The following ADAMTSL1 variants were observed in gnomAD, a reference collection of about 807,000 sequenced individuals.
ADAMTSL1 encodes ADAMTS like 1, also known as ADAMTS-like protein 1.
A neutral mutation model predicts 201.8 loss-of-function variants in ADAMTSL1; 126 were observed. The ratio of observed to expected loss-of-function variants is 0.62; its 90% CI spans 0.54 to 0.72. The LOEUF is 0.72. ADAMTSL1 is among the 30% of genes least tolerant of loss of function. The probability of loss-of-function intolerance (pLI) is 0.00; values close to 1 mark genes in which losing one functional copy is unlikely to be tolerated. For synonymous variants in ADAMTSL1, 1,121 were observed against 903.4 expected, an observed-to-expected ratio of 1.24 and a Z score of -4.32; for missense variants, 2,679 against 2,277.8, an observed-to-expected ratio of 1.18 and a Z score of -3.59.
chr9:18,801,079 C>T (rs1245162154), intron 20 of ADAMTSL1, among the ~76,000 whole-genome samples: 1 of 152,036 alleles, frequency 6.6e-6, no homozygotes, highest in Non-Finnish European at 1.5e-5. Flanking sequence ...CAGTCTAAGC[C>T]CTACCTACTT....
chr9:18,210,341 C>T (rs1829815662), intron 2 of ADAMTSL1, among the ~76,000 whole-genome samples: 1 of 148,798 alleles, frequency 6.7e-6, no homozygotes, highest in Non-Finnish European at 1.5e-5. Flanking sequence ...CAACTTTTAA[C>T]ATATTACAAC....
intron 2 of ADAMTSL1, among the ~76,000 whole-genome samples, chr9:18,426,193 A>G (rs1271670367): frequency 2.0e-5 from 3 of 152,110 alleles, no homozygotes; most frequent in Admixed American, 6.6e-5. Context: ...AATCCCAGGG[A>G]TAGGAGGGAG....
At chr9:18,649,852 T>A (rs528799071) in intron 7 of ADAMTSL1, among the ~76,000 whole-genome samples, 2 of 152,310 alleles carry the variant, frequency 1.3e-5, no homozygotes, top group East Asian at 3.9e-4. Context: ...AGGGACCTAC[T>A]TGAGGAGGCA....
Position 18,892,575 on chromosome 9 carries a change from G to C in ADAMTSL1, c.4830G>C (p.Trp1610Cys). ...GTAACCAGCAGCTGTGTGTGGAGTG[G>C]GCCTTCTCCAGCTGGGGCCAGGTGA... Reference protein sequence around the residue: ...QACNQQLCVEWAFSSWGQCNG... With the variant: ...QACNQQLCVECAFSSWGQCNG... Residue 1610 changes from tryptophan (W) to cysteine (C), a missense_variant, in exon 26 of 29, where the codon TGG becomes TGC. Transcript: ENST00000380548. 1.9e-6 allele frequency: 3 copies of C among 1,567,018 alleles called. No homozygotes were observed. Among genetic ancestry groups the C allele is most frequent in the Non-Finnish European group, 1.7e-6 (2 of 1,155,588 alleles).
intron 1 of ADAMTSL1, among the ~76,000 whole-genome samples, chr9:18,151,562 A>T (rs1826914467): frequency 6.6e-6 from 1 of 151,886 alleles, no homozygotes; most frequent in African/African-American, 2.4e-5. Flanking sequence ...GATGAACTAT[A>T]TGTGCCAAAT....
At chr9:18,327,602 C>T (rs745339189) in intron 2 of ADAMTSL1, among the ~76,000 whole-genome samples, 9 of 152,146 alleles carry the variant, frequency 5.9e-5, no homozygotes, top group South Asian at 2.1e-4. Flanking sequence ...AGCCACAGAG[C>T]GAGGCAGAGA....
chr9:18,182,767 C>T (rs949375931), intron 2 of ADAMTSL1, among the ~76,000 whole-genome samples: 4 of 152,110 alleles, frequency 2.6e-5, no homozygotes, highest in Non-Finnish European at 5.9e-5. Context: ...AGTGATTAAC[C>T]ACCTTATCAA....
chr9:18,502,036 A>G (rs780133834), intron 1 of ADAMTSL1, among the ~76,000 whole-genome samples: 59 of 152,356 alleles, frequency 3.9e-4, no homozygotes, highest in Middle Eastern at 3.4e-3. Context: ...AAACAAAATC[A>G]CAACCATACA....
At chr9:17,935,657 C>T (rs963612987) in intron 1 of ADAMTSL1, among the ~76,000 whole-genome samples, 2 of 152,158 alleles carry the variant, frequency 1.3e-5, no homozygotes, top group African/African-American at 4.8e-5. Context: ...TTGTTCTTGA[C>T]TCCTCTATTT....
At chr9:18,484,890 A>G (rs1341755651) in intron 1 of ADAMTSL1, among the ~76,000 whole-genome samples, 1 of 152,210 alleles carries the variant, frequency 6.6e-6, no homozygotes, top group Non-Finnish European at 1.5e-5. Flanking sequence ...GCAGGTAGGT[A>G]GGAGTTACGG....
At chr9:18,300,514 G>A (rs1450166065) in intron 2 of ADAMTSL1, among the ~76,000 whole-genome samples, 3 of 152,168 alleles carry the variant, frequency 2.0e-5, no homozygotes, top group Non-Finnish European at 4.4e-5. Flanking sequence ...TAATGTAAAT[G>A]ATGAGTTGAT....
At position 18,108,989 on chromosome 9, in the gene ADAMTSL1, A is replaced by G. The variant is rs184205179; in HGVS notation, c.88-54873A>G. ...TATTAAAAGTTTGGGGCTGTAACGAATTGATAAGCATTACTCAGTGCTATA... is the reference window on the plus strand; with the variant it reads ...TATTAAAAGTTTGGGGCTGTAACGAGTTGATAAGCATTACTCAGTGCTATA... On this transcript the variant is annotated intron_variant, in intron 1 of 29. Transcript: ENST00000680146. Among the ~76,000 whole-genome samples the G allele has an allele frequency of 2.6e-5, 4 of 152,258 alleles. No homozygotes were observed. In the East Asian group the frequency reaches 5.8e-4, roughly 22 times the overall value.
chr9:18,655,373 T>C (rs1180961350), intron 7 of ADAMTSL1, among the ~76,000 whole-genome samples: 1 of 152,204 alleles, frequency 6.6e-6, no homozygotes, highest in African/African-American at 2.4e-5. Context: ...TTAGAAACAC[T>C]GAAACATTGT....
chr9:18,829,832 C>T lies in ADAMTSL1; in HGVS notation c.4115-11C>T. 1 of 1,613,858 alleles carries T rather than the reference C, an allele frequency of 6.2e-7. No individual in the cohort carries two copies. Among genetic ancestry groups the T allele is most frequent in the South Asian group, 1.1e-5 (1 of 91,052 alleles). ...TTTAACCTGCCTGATCCACCCTCTGCCTTCTCACAGATCCCCCCCAAGTCC... is the reference window on the plus strand; with the variant it reads ...TTTAACCTGCCTGATCCACCCTCTGTCTTCTCACAGATCCCCCCCAAGTCC... On this transcript the variant is annotated splice_polypyrimidine_tract_variant and intron_variant, in intron 22 of 28. Transcript: ENST00000380548.
At chr9:18,682,225 T>C (rs1315443822) in intron 12 of ADAMTSL1, among the ~76,000 whole-genome samples, 1 of 152,210 alleles carries the variant, frequency 6.6e-6, no homozygotes, top group Non-Finnish European at 1.5e-5. Flanking sequence ...TGCTGAAGAA[T>C]ACGGATGTAC....
intron 20 of ADAMTSL1, among the ~76,000 whole-genome samples, chr9:18,811,608 T>G (rs1823513462): frequency 6.6e-6 from 1 of 152,122 alleles, no homozygotes; most frequent in Non-Finnish European, 1.5e-5. Context: ...CCTGAGTGGT[T>G]TTATAGAAAG....
At chr9:18,827,162 T>TAAAA (rs5896812) in intron 22 of ADAMTSL1, among the ~76,000 whole-genome samples, 66 of 143,114 alleles carry the variant, frequency 4.6e-4, no homozygotes, top group African/African-American at 4.4e-4. Flanking sequence ...GAGATAAAGT[T>TAAAA]AAAAAAAAAA....
Position 17,908,181 on chromosome 9 carries a change from A to C in ADAMTSL1, c.87+1259A>C, listed in dbSNP as rs148056747. 3.5e-3 allele frequency among the ~76,000 whole-genome samples: 534 copies of C among 152,324 alleles called. 9 individuals are homozygous for C. Among genetic ancestry groups the C allele is most frequent in the African/African-American group, 0.012 (495 of 41,576 alleles). On this transcript the variant is annotated intron_variant, in intron 1 of 29. Transcript: ENST00000680146. The stretch of plus-strand genomic sequence containing the variant: ...GCAGGGAACACCTGCTTAGATTGGA[A>C]TATGACAAACAGTTGGAAAAGCTTG...
intron 15 of ADAMTSL1, among the ~76,000 whole-genome samples, chr9:18,749,368 G>A (rs1234761033): frequency 6.6e-6 from 1 of 152,100 alleles, no homozygotes; most frequent in South Asian, 2.1e-4. Flanking sequence ...CCCAGTTGAG[G>A]GTTTCCTCTC....
Sources: gnomAD v4.1 joint callset for allele counts (sites outside exome capture counted in the v4.1 genomes callset) on GRCh38, gnomAD v4.1.1 for gene constraint, MANE v1.5 for transcripts, NCBI Gene and HGNC (gene_info 2026-07-23, HGNC 2026-07-21) for gene names.